Variants in FNIP1 observed in about 807,000 individuals in gnomAD.
The protein encoded by FNIP1 is folliculin-interacting protein 1.
Under a neutral mutation model 124.5 loss-of-function variants are expected in FNIP1, and 40 were observed. That is an observed-to-expected ratio of 0.32 (90% CI 0.25 to 0.42). FNIP1 has a LOEUF of 0.42. Among genes scored for constraint, FNIP1 ranks in the 10% least tolerant of loss-of-function variants. FNIP1 has a pLI of 1.00. For missense variants in FNIP1, 1,176 were observed against 1,403.7 expected (o/e 0.84, Z 2.59); for synonymous variants, 472 against 470.6 (o/e 1.00, Z -0.04).
intron 1 of FNIP1, among the ~76,000 whole-genome samples, chr5:131,756,005 T>C (rs1771040348): frequency 1.3e-5 from 2 of 149,016 alleles, no homozygotes; most frequent in Non-Finnish European, 3.0e-5. Flanking sequence ...ACAGAGAGAC[T>C]GTGTCAAAAA....
chr5:131,690,413 C>A (rs1380631648), intron 11 of FNIP1, among the ~76,000 whole-genome samples: 2 of 152,008 alleles, frequency 1.3e-5, no homozygotes, highest in Non-Finnish European at 2.9e-5. Context: ...GGGATCAAGA[C>A]CATGTGGAGG....
intron 10 of FNIP1, among the ~76,000 whole-genome samples, chr5:131,699,788 C>T (rs949454294): frequency 2.0e-5 from 3 of 151,482 alleles, no homozygotes; most frequent in Admixed American, 6.6e-5. Context: ...TGTTGACACA[C>T]GCCTGTAATC....
intron 15 of FNIP1, among the ~76,000 whole-genome samples, chr5:131,661,488 T>C (rs554847051): frequency 7.2e-5 from 11 of 152,246 alleles, no homozygotes; most frequent in Middle Eastern, 3.4e-3. Context: ...TAGAAAAAGA[T>C]TGAGCCTTGA....
chr5:131,732,962 C>T (rs558088405), intron 2 of FNIP1, among the ~76,000 whole-genome samples: 1 of 152,302 alleles, frequency 6.6e-6, no homozygotes, highest in African/African-American at 2.4e-5. Flanking sequence ...TATCCATGAG[C>T]ATGGAATGTT....
At position 131,667,191 on chromosome 5, in the gene FNIP1, C is replaced by G. The variant is rs573294941; in HGVS notation, c.3108+3272G>C. On this transcript the variant is annotated intron_variant, in intron 15 of 17. Transcript: ENST00000510461. ...GTTTTATACTACATTTATTCATACACTTGGCCTTATTTTCTCTGTTGCTAA... is the reference window on the plus strand; with the variant it reads ...GTTTTATACTACATTTATTCATACAGTTGGCCTTATTTTCTCTGTTGCTAA... Among the ~76,000 whole-genome samples, 12 of 152,338 alleles carry G rather than the reference C, an allele frequency of 7.9e-5. No individual in the cohort carries two copies. In the South Asian group the frequency reaches 2.1e-3, roughly 26 times the overall value.
chr5:131,737,383 A>G (rs1770348706), intron 2 of FNIP1, among the ~76,000 whole-genome samples: 1 of 152,150 alleles, frequency 6.6e-6, no homozygotes, highest in Admixed American at 6.5e-5. Flanking sequence ...TTTATGCTTT[A>G]GTCCTGGAAC....
intron 16 of FNIP1, among the ~76,000 whole-genome samples, chr5:131,651,156 G>A (rs187465985): frequency 2.6e-5 from 4 of 152,066 alleles, no homozygotes; most frequent in African/African-American, 7.2e-5. Flanking sequence ...TTGGGAGGCT[G>A]GGGCAGGAGG....
At chr5:131,710,770 T>C (rs1372637992) in intron 6 of FNIP1, 109 bp from the exon 7 acceptor site, 4 of 736,800 alleles carry the variant, frequency 5.4e-6, no homozygotes, top group South Asian at 4.3e-5. Context: ...CCAACAAATA[T>C]GGATGGAAAC....
intron 1 of FNIP1, among the ~76,000 whole-genome samples, chr5:131,760,392 A>G (rs1192004806): frequency 1.3e-5 from 2 of 152,210 alleles, no homozygotes; most frequent in Non-Finnish European, 2.9e-5. Context: ...ATACCGAAAT[A>G]ATTCACTTGT....
intron 2 of FNIP1, among the ~76,000 whole-genome samples, chr5:131,735,675 A>T (rs1264317176): frequency 6.7e-6 from 1 of 150,092 alleles, no homozygotes; most frequent in African/African-American, 2.4e-5. Flanking sequence ...TATACGTATA[A>T]AATATGTATA....
At chr5:131,668,277 T>C (rs930675738) in intron 15 of FNIP1, among the ~76,000 whole-genome samples, 2 of 152,228 alleles carry the variant, frequency 1.3e-5, no homozygotes, top group Admixed American at 1.3e-4. Flanking sequence ...GAGAATTCCA[T>C]AAATATTTGT....
rs183598487 is a variant in FNIP1 at position 131,758,604 on chromosome 5, G to T, written c.93-13914C>A. ...TAAACGTTGGTAAGAAAACTATTCAGTGATGAACCACAAGCTATTTTAAGA... is the reference window on the plus strand; with the variant it reads ...TAAACGTTGGTAAGAAAACTATTCATTGATGAACCACAAGCTATTTTAAGA... On this transcript the variant is annotated intron_variant, in intron 1 of 17. Transcript: ENST00000510461. Among the ~76,000 whole-genome samples the T allele has an allele frequency of 5.3e-4, 81 of 152,272 alleles. 1 individual carries two copies. The highest frequency in any genetic ancestry group is 1.9e-3 in the African/African-American group (81 of 41,556).
At chr5:131,727,372 T>C (rs542973949) in intron 3 of FNIP1, among the ~76,000 whole-genome samples, 6 of 152,306 alleles carry the variant, frequency 3.9e-5, no homozygotes, top group African/African-American at 1.4e-4. Flanking sequence ...TTAGCTCTTC[T>C]TGTTACACTG....
chr5:131,664,139 C>T (rs1004319025), intron 15 of FNIP1, among the ~76,000 whole-genome samples: 2 of 152,106 alleles, frequency 1.3e-5, no homozygotes, highest in Admixed American at 6.5e-5. Flanking sequence ...ATGTTGAACA[C>T]TGAAATAAGA....
intron 1 of FNIP1, among the ~76,000 whole-genome samples, chr5:131,753,742 A>G (rs1425951359): frequency 6.6e-6 from 1 of 152,240 alleles, no homozygotes; most frequent in Non-Finnish European, 1.5e-5. Context: ...CAATTTTTAA[A>G]AGAGAAAGAC....
chr5:131,700,776 T>C (rs1303646036), intron 10 of FNIP1, among the ~76,000 whole-genome samples: 2 of 152,110 alleles, frequency 1.3e-5, no homozygotes, highest in Admixed American at 1.3e-4. Flanking sequence ...CCCTAGAAGA[T>C]AACTTCTTTG....
In FNIP1 at chr5:131,709,239, T is replaced by C. The variant is rs1287078267; in HGVS notation, c.740A>G (p.Glu247Gly). 16 of 1,613,976 alleles carry C rather than the reference T, an allele frequency of 9.9e-6. No homozygotes were observed. Among genetic ancestry groups the C allele is most frequent in the Non-Finnish European group, 1.4e-5 (16 of 1,179,972 alleles). ...HSNPMDMPGR[E>G]LNEDRDSGIA... ...GCCACTGTCTCTGTCCTCATTGAGC[T>C]CTCTTCCAGGCATGTCCATTGGGTT... Residue 247 changes from glutamate to glycine, a missense_variant, in exon 8 of 18, where the codon GAG (glutamate) becomes GGG (glycine). This residue lies in a region of FNIP1 where 1,109 missense variants were observed against 1,288.5 expected (regional missense o/e 0.86). Transcript: ENST00000510461.
At chr5:131,735,485 GTA>G in intron 2 of FNIP1, among the ~76,000 whole-genome samples, 1 of 67,736 alleles carries the variant, frequency 1.5e-5, no homozygotes, top group Non-Finnish European at 3.1e-5. Context: ...ACGTATATAT[GTA>G]TATATACGTA....
At chr5:131,745,402 C>G (rs1770643634) in intron 1 of FNIP1, among the ~76,000 whole-genome samples, 7 of 152,032 alleles carry the variant, frequency 4.6e-5, no homozygotes, top group Admixed American at 4.6e-4. Context: ...CATCTGTAGT[C>G]CTAGCTACTT....
Sources: allele counts gnomAD v4.1 joint callset (sites outside exome capture counted in the v4.1 genomes callset), GRCh38; gene constraint gnomAD v4.1.1; regional missense constraint gnomAD v4.1.1; transcripts MANE v1.5; gene names NCBI Gene and HGNC (gene_info 2026-07-23, HGNC 2026-07-21).